PLCB1: variants seen among roughly 807,000 people sequenced by gnomAD.
PLCB1 encodes phospholipase C beta 1, also known as 1-phosphatidylinositol 4,5-bisphosphate phosphodiesterase beta-1.
A neutral mutation model predicts 161.8 loss-of-function variants in PLCB1; 46 were observed. That is an observed-to-expected ratio of 0.28 (90% CI 0.22 to 0.36). The LOEUF (loss-of-function observed/expected upper bound fraction) is 0.36. Among genes scored for constraint, PLCB1 ranks in the 10% least tolerant of loss-of-function variants. The pLI, the probability that PLCB1 is intolerant of heterozygous loss-of-function variation, is 1.00. For missense variants in PLCB1, 1,016 were observed against 1,472.5 expected (o/e 0.69, Z 5.07); for synonymous variants, 517 against 503.7 (o/e 1.03, Z -0.35).
At chr20:8,743,428 C>T (rs1422727634) in intron 23 of PLCB1, among the ~76,000 whole-genome samples, 1 of 152,122 alleles carries the variant, frequency 6.6e-6, no homozygotes, top group African/African-American at 2.4e-5. Flanking sequence ...AATCATAGCT[C>T]AGTACCTTGT....
At chr20:8,605,748 A>G (rs1336522755) in intron 3 of PLCB1, among the ~76,000 whole-genome samples, 1 of 151,932 alleles carries the variant, frequency 6.6e-6, no homozygotes, top group Non-Finnish European at 1.5e-5. Context: ...CCACCCAAAA[A>G]GTGAATATCA....
chr20:8,695,495 A>T (rs1990564691), intron 10 of PLCB1, among the ~76,000 whole-genome samples: 1 of 152,190 alleles, frequency 6.6e-6, no homozygotes, highest in Non-Finnish European at 1.5e-5. Context: ...TGAGCCCAGG[A>T]GTTTGAGACC....
chr20:8,529,044 A>G (rs1436555439), intron 3 of PLCB1, among the ~76,000 whole-genome samples: 1 of 149,796 alleles, frequency 6.7e-6, no homozygotes, highest in Non-Finnish European at 1.5e-5. Context: ...CTTCAGTATC[A>G]GATGTTTATC....
intron 2 of PLCB1, among the ~76,000 whole-genome samples, chr20:8,151,755 A>G (rs2051510971): frequency 1.3e-5 from 2 of 152,130 alleles, no homozygotes; most frequent in Admixed American, 1.3e-4. Flanking sequence ...TAATGCCTAG[A>G]GCATTTCTAA....
chr20:8,850,560 T>A (rs928738771), intron 31 of PLCB1, among the ~76,000 whole-genome samples: 1 of 152,256 alleles, frequency 6.6e-6, no homozygotes. Context: ...TGAAATTTAA[T>A]CCCTAGTAAA....
chr20:8,426,622 A>T lies in PLCB1; in HGVS notation c.246+55172A>T, dbSNP rs985129960. ...CAAGTCTAGAAATCTCATTTACAAC[A>T]TGAGGACTGTAGTTAGTAAAACTGT... On this transcript the variant is annotated intron_variant, in intron 3 of 31. Transcript: ENST00000338037. Among the ~76,000 whole-genome samples, 3 of 152,208 alleles carry T rather than the reference A, an allele frequency of 2.0e-5. No individual in the cohort carries two copies. In the East Asian group the frequency reaches 5.8e-4, roughly 29 times the overall value.
chr20:8,790,257 C>T lies in PLCB1; in HGVS notation c.3419C>T (p.Pro1140Leu). The T allele has an allele frequency of 6.2e-7, 1 of 1,607,156 alleles. No homozygotes were observed. The highest frequency in any genetic ancestry group is 1.1e-5 in the South Asian group (1 of 90,400). Residue 1140 changes from proline (P) to leucine (L), a missense_variant, in exon 31 of 32, where the codon CCC becomes CTC. By Grantham distance (98) the Pro-to-Leu change is moderately conservative (BLOSUM62 -3). Coordinates refer to ENST00000338037, the MANE Select transcript of PLCB1 (RefSeq NM_015192.4). ...EIRQQILDEK[P>L]KLQVELEQEY... ...CGTCAGCAGATCCTGGATGAAAAGC[C>T]CAAGGTAAACGGAACTGAATTAAAA... is the stretch of plus-strand genomic sequence containing the variant.
intron 3 of PLCB1, among the ~76,000 whole-genome samples, chr20:8,495,078 G>A (rs1983105357): frequency 6.6e-6 from 1 of 151,610 alleles, no homozygotes; most frequent in Non-Finnish European, 1.5e-5. Context: ...ACCTTATGGA[G>A]AAAGGGAGAA....
At chr20:8,465,131 T>C (rs1159521822) in intron 3 of PLCB1, among the ~76,000 whole-genome samples, 4 of 152,256 alleles carry the variant, frequency 2.6e-5, no homozygotes, top group Non-Finnish European at 4.4e-5. Context: ...TTCTTATTCA[T>C]GTTGACTTGT....
intron 3 of PLCB1, among the ~76,000 whole-genome samples, chr20:8,380,426 A>G (rs542457885): frequency 6.6e-6 from 1 of 152,266 alleles, no homozygotes; most frequent in South Asian, 2.1e-4. Context: ...TCTTGGCTAT[A>G]CAAGGTCTTC....
intron 3 of PLCB1, among the ~76,000 whole-genome samples, chr20:8,473,698 A>T (rs1453666680): frequency 6.6e-6 from 1 of 152,148 alleles, no homozygotes; most frequent in African/African-American, 2.4e-5. Context: ...AAATGACATC[A>T]TGTAATTGGT....
chr20:8,537,398 C>T (rs192052454), intron 3 of PLCB1, among the ~76,000 whole-genome samples: 160 of 152,188 alleles, frequency 1.1e-3, no homozygotes, highest in Admixed American at 1.8e-3. Context: ...TGAGCTCACT[C>T]GCCCAACTCC....
intron 2 of PLCB1, among the ~76,000 whole-genome samples, chr20:8,324,027 C>G (rs1006990051): frequency 6.6e-6 from 1 of 152,032 alleles, no homozygotes; most frequent in Non-Finnish European, 1.5e-5. Context: ...ATTTCTAAAT[C>G]AAGAAAAACA....
intron 3 of PLCB1, among the ~76,000 whole-genome samples, chr20:8,565,520 A>G (rs973552919): frequency 4.6e-5 from 7 of 151,270 alleles, no homozygotes; most frequent in African/African-American, 1.7e-4. Flanking sequence ...CTTTAAATAT[A>G]ATAAAGTATT....
intron 3 of PLCB1, among the ~76,000 whole-genome samples, chr20:8,400,305 T>C (rs1442802502): frequency 6.6e-6 from 1 of 152,182 alleles, no homozygotes; most frequent in African/African-American, 2.4e-5. Context: ...GCCTGTGTAT[T>C]CTATTCTTTG....
intron 2 of PLCB1, among the ~76,000 whole-genome samples, chr20:8,175,660 A>T (rs2051775145): frequency 6.6e-6 from 1 of 152,170 alleles, no homozygotes. Flanking sequence ...GAAAAATTGG[A>T]TCTCATTAAA....
At chr20:8,173,571 C>T (rs2051753705) in intron 2 of PLCB1, among the ~76,000 whole-genome samples, 1 of 151,616 alleles carries the variant, frequency 6.6e-6, no homozygotes, top group South Asian at 2.1e-4. Context: ...TTCTAATATA[C>T]AAAAATAAAA....
intron 3 of PLCB1, among the ~76,000 whole-genome samples, chr20:8,547,454 C>T (rs1196245880): frequency 6.6e-6 from 1 of 152,158 alleles, no homozygotes; most frequent in Non-Finnish European, 1.5e-5. Context: ...GCATCACCTC[C>T]TTAGTCTAAA....
intron 3 of PLCB1, among the ~76,000 whole-genome samples, chr20:8,479,558 C>T (rs1156819955): frequency 6.6e-6 from 1 of 152,180 alleles, no homozygotes; most frequent in Non-Finnish European, 1.5e-5. Context: ...ACCGCAGGCT[C>T]CTTTACAACT....
Sources: gnomAD v4.1 joint callset for allele counts (sites outside exome capture counted in the v4.1 genomes callset) on GRCh38, gnomAD v4.1.1 for gene constraint, MANE v1.5 for transcripts, NCBI Gene and HGNC (gene_info 2026-07-23, HGNC 2026-07-21) for gene names.